The following RALGPS1 variants were observed in gnomAD, a reference collection of about 807,000 sequenced individuals.
The protein encoded by RALGPS1 is ras-specific guanine nucleotide-releasing factor RalGPS1.
Under a neutral mutation model 78.8 loss-of-function variants are expected in RALGPS1, and 19 were observed. The observed-to-expected ratio is 0.24, with a 90% CI of 0.17 to 0.35. The LOEUF (loss-of-function observed/expected upper bound fraction) is 0.35, where lower values mean the gene tolerates loss of function less well. Among genes scored for constraint, RALGPS1 ranks in the 10% least tolerant of loss-of-function variants. The pLI is 1.00. For synonymous variants in RALGPS1, 228 were observed against 256.3 expected (o/e 0.89, Z 1.06); for missense variants, 454 against 688.3 (o/e 0.66, Z 3.81).
intron 7 of RALGPS1, among the ~76,000 whole-genome samples, chr9:127,058,326 C>G (rs1194405519): frequency 6.6e-6 from 1 of 152,210 alleles, no homozygotes; most frequent in Non-Finnish European, 1.5e-5. Flanking sequence ...CGGACACAAT[C>G]TGGCTTCCAG....
At chr9:126,984,631 A>G (rs1340968550) in intron 4 of RALGPS1, among the ~76,000 whole-genome samples, 2 of 152,154 alleles carry the variant, frequency 1.3e-5, no homozygotes, top group African/African-American at 4.8e-5. Context: ...TGTGTGTTTC[A>G]GTCAGTTATA....
chr9:127,199,584 C>T (rs1185167801), intron 14 of RALGPS1, among the ~76,000 whole-genome samples: 1 of 152,170 alleles, frequency 6.6e-6, no homozygotes, highest in Non-Finnish European at 1.5e-5. Context: ...CTCGAGGATC[C>T]CTCTGCCTCC....
chr9:127,022,616 G>A (rs1298157829), intron 4 of RALGPS1, among the ~76,000 whole-genome samples: 5 of 151,828 alleles, frequency 3.3e-5, no homozygotes, highest in African/African-American at 9.7e-5. Flanking sequence ...CTCCTCCCCA[G>A]GCTCCTTCTG....
intron 8 of RALGPS1, among the ~76,000 whole-genome samples, chr9:127,161,105 T>C (rs751689750): frequency 6.6e-6 from 1 of 152,250 alleles, no homozygotes; most frequent in African/African-American, 2.4e-5. Context: ...TTGGTAACTC[T>C]GTGTAAATAG....
chr9:126,939,813 A>G (rs778399697), intron 1 of RALGPS1, among the ~76,000 whole-genome samples: 9 of 152,352 alleles, frequency 5.9e-5, no homozygotes, highest in Non-Finnish European at 1.3e-4. Context: ...CAGAGTGACA[A>G]GCGTTGCGGA....
chr9:126,921,041 A>T (rs1432003175), intron 1 of RALGPS1, among the ~76,000 whole-genome samples: 1 of 152,244 alleles, frequency 6.6e-6, no homozygotes, highest in Non-Finnish European at 1.5e-5. Flanking sequence ...CAGTGAAATA[A>T]TGCAGTGCAG....
At chr9:127,107,658 A>C (rs2054349111) in intron 8 of RALGPS1, among the ~76,000 whole-genome samples, 5 of 152,134 alleles carry the variant, frequency 3.3e-5, no homozygotes, top group Admixed American at 3.3e-4. Context: ...CCTGTCAGAA[A>C]CCAGAGAGTG....
intron 8 of RALGPS1, among the ~76,000 whole-genome samples, chr9:127,137,821 G>A (rs765275101): frequency 1.2e-4 from 19 of 152,222 alleles, no homozygotes; most frequent in Non-Finnish European, 2.1e-4. Flanking sequence ...AGCAAGCAGC[G>A]TGTAGAGGCT....
intron 2 of RALGPS1, among the ~76,000 whole-genome samples, chr9:126,964,219 A>G (rs540400): frequency 0.59 from 88,870 of 151,796 alleles, 30,113 homozygotes; most frequent in East Asian, 0.81. Context: ...TTAGCCAGGC[A>G]TGGTGGCGGG....
intron 8 of RALGPS1, among the ~76,000 whole-genome samples, chr9:127,104,079 A>G (rs2053993365): frequency 6.6e-6 from 1 of 152,122 alleles, no homozygotes; most frequent in Admixed American, 6.5e-5. Context: ...ATGCTAGGGG[A>G]TCTGAGAGGC....
chr9:127,088,859 A>G (rs971744244), intron 8 of RALGPS1: 16 of 1,518,812 alleles, frequency 1.1e-5, no homozygotes, highest in Admixed American at 1.7e-5. Flanking sequence ...ACTGGTGAGG[A>G]GTTGTTCTTT....
At chr9:126,924,239 G>A (rs2035048815) in intron 1 of RALGPS1, among the ~76,000 whole-genome samples, 1 of 152,236 alleles carries the variant, frequency 6.6e-6, no homozygotes, top group African/African-American at 2.4e-5. Context: ...AGATGAAAGT[G>A]TCTGCTTCAG....
intron 8 of RALGPS1, among the ~76,000 whole-genome samples, chr9:127,159,332 G>A (rs1249841818): frequency 6.6e-6 from 1 of 152,160 alleles, no homozygotes. Context: ...TCACCTTGGG[G>A]AGCCAGGAGG....
At chr9:126,943,047 C>A (rs957380290) in intron 1 of RALGPS1, among the ~76,000 whole-genome samples, 2 of 152,100 alleles carry the variant, frequency 1.3e-5, no homozygotes, top group South Asian at 2.1e-4. Flanking sequence ...TCTCTCTAGT[C>A]CACTTCCATT....
intron 4 of RALGPS1, among the ~76,000 whole-genome samples, chr9:127,007,173 T>C (rs2043912072): frequency 6.6e-6 from 1 of 152,224 alleles, no homozygotes; most frequent in Non-Finnish European, 1.5e-5. Context: ...TCTGGGTACA[T>C]AGTATTTGTT....
At chr9:126,940,918 A>G (rs2036719932) in intron 1 of RALGPS1, among the ~76,000 whole-genome samples, 1 of 152,202 alleles carries the variant, frequency 6.6e-6, no homozygotes, top group African/African-American at 2.4e-5. Flanking sequence ...CTGCTCATAA[A>G]TGTTTTCCAT....
rs758695612 is a variant in RALGPS1 at position 127,196,642 on chromosome 9, C to G, written c.1195+11C>G. 4.4e-6 allele frequency: 7 copies of G among 1,576,702 alleles called. No individual in the cohort carries two copies. The highest frequency in any genetic ancestry group is 6.0e-6 in the Non-Finnish European group (7 of 1,159,844). On this transcript the variant is annotated intron_variant, in intron 13 of 18. Transcript: ENST00000259351. ...ATGGACTCTCCCTAGGTAAGCGTCT[C>G]CGGCCTGCACATGATAGGCTGGTGG...
At chr9:126,974,938 T>C (rs980938883) in intron 3 of RALGPS1, among the ~76,000 whole-genome samples, 3 of 145,338 alleles carry the variant, frequency 2.1e-5, no homozygotes, top group Admixed American at 1.3e-4. Flanking sequence ...TGACCTCACC[T>C]CTTACCCCAA....
chr9:127,057,210 G>A (rs2048817728), intron 7 of RALGPS1, among the ~76,000 whole-genome samples: 1 of 152,152 alleles, frequency 6.6e-6, no homozygotes, highest in South Asian at 2.1e-4. Flanking sequence ...ACAGGGCAGG[G>A]ACAAATAGAC....
Sources: gnomAD v4.1 joint callset for allele counts (sites outside exome capture counted in the v4.1 genomes callset) on GRCh38, gnomAD v4.1.1 for gene constraint, MANE v1.5 for transcripts, NCBI Gene and HGNC (gene_info 2026-07-23, HGNC 2026-07-21) for gene names.